SPOCK2: variants seen among roughly 807,000 people sequenced by gnomAD.
SPOCK2 encodes SPARC (osteonectin), cwcv and kazal like domains proteoglycan 2.
SPOCK2 carries 39 observed loss-of-function variants against 60.1 expected under a neutral mutation model. The ratio of observed to expected loss-of-function variants is 0.65; its 90% CI spans 0.50 to 0.85. The LOEUF (loss-of-function observed/expected upper bound fraction) is 0.85. Ranked by LOEUF, SPOCK2 falls within the 40% of genes least tolerant of loss-of-function variation. The probability of loss-of-function intolerance (pLI) is 0.00; values close to 1 mark genes in which losing one functional copy is unlikely to be tolerated. For missense variants in SPOCK2, 523 were observed against 567.4 expected (o/e 0.92, Z 0.80); for synonymous variants, 217 against 231.5 (o/e 0.94, Z 0.57).
rs141755531 is a variant in SPOCK2 at position 72,083,392 on chromosome 10, A to G, written c.189+4748T>C. On this transcript the variant is annotated intron_variant, in intron 1 of 10. Coordinates refer to ENST00000373109, the MANE Select transcript of SPOCK2 (RefSeq NM_001244950.2). ...CCCCACTAAACCACCAGGAAAATCA[A>G]GGCCCAGAAAGGTGAAGTGGCTGCT... 1.1e-4 allele frequency among the ~76,000 whole-genome samples: 17 copies of G among 152,350 alleles called. No individual in the cohort carries two copies. In the East Asian group the frequency reaches 1.5e-3, roughly 14 times the overall value.
At chr10:72,086,094 G>A in intron 1 of SPOCK2, 4 of 756,212 alleles carry the variant, frequency 5.3e-6, no homozygotes, top group Non-Finnish European at 6.4e-6. Context: ...CCCTGACCCT[G>A]TCCTCCTGCA....
chr10:72,086,451 C>T, intron 1 of SPOCK2: 1 of 1,048,500 alleles, frequency 9.5e-7, no homozygotes, highest in Non-Finnish European at 1.2e-6. Flanking sequence ...TCCCTCTGAC[C>T]TTCACTGGTC....
chr10:72,067,808 C>G, intron 6 of SPOCK2, 76 bp from the exon 7 acceptor site: 1 of 1,556,740 alleles, frequency 6.4e-7, no homozygotes, highest in Non-Finnish European at 8.7e-7. Context: ...GGGATCCTGC[C>G]CTACAGGCCA....
intron 1 of SPOCK2, chr10:72,086,743 G>A (rs1394633551): frequency 7.8e-6 from 11 of 1,418,248 alleles, no homozygotes; most frequent in Non-Finnish European, 5.6e-6. Context: ...AGACCTGGCT[G>A]CCCGTGGTTC....
At chr10:72,080,160 C>CGT (rs1840764125) in intron 1 of SPOCK2, among the ~76,000 whole-genome samples, 1 of 152,092 alleles carries the variant, frequency 6.6e-6, no homozygotes, top group South Asian at 2.1e-4. Flanking sequence ...ACATTGTCTC[C>CGT]ACTTGAGGAC....
chr10:72,077,754 T>C (rs1484826132), intron 1 of SPOCK2, among the ~76,000 whole-genome samples: 1 of 152,208 alleles, frequency 6.6e-6, no homozygotes, highest in Non-Finnish European at 1.5e-5. Context: ...CCCAGGCTCC[T>C]GCTTCCAATT....
rs1045236068 is a variant in SPOCK2 at position 72,062,923 on chromosome 10, C to A, written c.1130-18G>T. ...GATGTCATCTGTGAGGGGATCAAGC[C>A]AACAGGGGGTGAGGGAGCTTCTGGC... On this transcript the variant is annotated intron_variant, in intron 10 of 10. Coordinates refer to ENST00000373109, the MANE Select transcript of SPOCK2 (RefSeq NM_001244950.2). The surrounding 1 kb of genome is among the most constrained non-coding windows in gnomAD (Gnocchi z 4.3). The A allele has an allele frequency of 6.3e-7, 1 of 1,596,408 alleles. No homozygotes were observed. The highest frequency in any genetic ancestry group is 8.5e-7 in the Non-Finnish European group (1 of 1,174,164).
Position 72,067,618 on chromosome 10 carries a change from G to T in SPOCK2, c.704C>A (p.Ala235Asp). 6.2e-7 allele frequency: 1 copy of T among 1,612,640 alleles called. No homozygotes were observed. ...CAGAGCAGCAAGCTTCCTACCGCTGGCCGGGCCGGCTACACTGCTGGCTGA... is the reference window on the plus strand; with the variant it reads ...CAGAGCAGCAAGCTTCCTACCGCTGTCCGGGCCGGCTACACTGCTGGCTGA... ...NGSASSVAGPASGLDKSLGAS... is the reference protein window; with the variant it reads ...NGSASSVAGPDSGLDKSLGAS... The change falls in exon 7 of 11, where the codon GCC becomes GAC. Residue 235 changes from alanine to aspartate, a missense_variant. Ala to Asp is a moderately radical substitution (Grantham distance 126). Coordinates refer to ENST00000373109, the MANE Select transcript of SPOCK2 (RefSeq NM_001244950.2).
At position 72,068,225 on chromosome 10, in the gene SPOCK2, G is replaced by A. The variant is rs371673611; in HGVS notation, c.551C>T (p.Thr184Met). The part of the protein sequence containing the change: ...VRCEGPCPCP[T>M]EQAATSTADG... Reference sequence around the variant, plus strand: ...GGCGGTGGAGGTGGCAGCCTGCTCCGTGGGGCAGGGGCAGGGGCCCTCGCA... The same window carrying A: ...GGCGGTGGAGGTGGCAGCCTGCTCCATGGGGCAGGGGCAGGGGCCCTCGCA... The change falls in exon 6 of 11, where the codon ACG (threonine) becomes ATG (methionine). Residue 184 changes from threonine (T) to methionine (M), a missense_variant. Coordinates refer to ENST00000373109, the MANE Select transcript of SPOCK2 (RefSeq NM_001244950.2). 278 of 1,610,550 alleles carry A rather than the reference G, an allele frequency of 1.7e-4. No individual in the cohort carries two copies. Among genetic ancestry groups the A allele is most frequent in the Non-Finnish European group, 2.1e-4 (253 of 1,178,578 alleles).
chr10:72,086,596 T>C, intron 1 of SPOCK2: 1 of 1,171,780 alleles, frequency 8.5e-7, no homozygotes, highest in South Asian at 1.6e-5. Context: ...GGCAGGAGAC[T>C]GCGGCTCATC....
At chr10:72,083,681 C>T (rs1840818065) in intron 1 of SPOCK2, among the ~76,000 whole-genome samples, 1 of 152,208 alleles carries the variant, frequency 6.6e-6, no homozygotes, top group Non-Finnish European at 1.5e-5. Flanking sequence ...TGTTCAAGAG[C>T]CCATCACTCT....
At chr10:72,083,908 G>A (rs1840821161) in intron 1 of SPOCK2, among the ~76,000 whole-genome samples, 1 of 152,162 alleles carries the variant, frequency 6.6e-6, no homozygotes, top group Admixed American at 6.5e-5. Context: ...ACCCACAGAC[G>A]TCGGCGCAGC....
chr10:72,086,591 G>C, intron 1 of SPOCK2: 6 of 1,164,862 alleles, frequency 5.2e-6, no homozygotes, highest in Non-Finnish European at 6.4e-6. Context: ...GAAGCGGCAG[G>C]AGACTGCGGC....
rs1198254982 is a variant in SPOCK2 at position 72,063,148 on chromosome 10, T to G, written c.1006A>C (p.Ser336Arg). The part of the protein sequence containing the change: ...AKKKPGIFIP[S>R]CDEDGYYRKM... ...CGGTAGTAGCCATCCTCGTCGCAGCTCGGGATGAAGATGCCTGAATGAGAC... is the reference window on the plus strand; with the variant it reads ...CGGTAGTAGCCATCCTCGTCGCAGCGCGGGATGAAGATGCCTGAATGAGAC... The change falls in exon 10 of 11, where the codon AGC becomes CGC. Residue 336 changes from serine to arginine, a missense_variant. By Grantham distance (110) the Ser-to-Arg change is moderately radical. Coordinates refer to ENST00000373109, the MANE Select transcript of SPOCK2 (RefSeq NM_001244950.2). The G allele has an allele frequency of 1.3e-6, 2 of 1,556,778 alleles. No homozygotes were observed. Among genetic ancestry groups the G allele is most frequent in the Non-Finnish European group, 1.7e-6 (2 of 1,149,840 alleles).
Position 72,064,257 on chromosome 10 carries a change from A to G in SPOCK2, c.929-17T>C. The G allele has an allele frequency of 6.3e-7, 1 of 1,581,986 alleles. No individual in the cohort carries two copies. The highest frequency in any genetic ancestry group is 8.6e-7 in the Non-Finnish European group (1 of 1,168,224). On this transcript the variant is annotated splice_polypyrimidine_tract_variant and intron_variant, in intron 8 of 10. Coordinates refer to ENST00000373109, the MANE Select transcript of SPOCK2 (RefSeq NM_001244950.2). ...AGGGGGGCTCTGTGGGGAGAGAAGC[A>G]GCCTCTGATGGGACTGTCCCCTGGT...
chr10:72,063,086 C>T lies in SPOCK2; in HGVS notation c.1068G>A (p.Trp356Ter). Reference protein sequence around the residue: ...MQCDQSSGDCWCVDQLGLELT... With the variant: ...MQCDQSSGDC Reference sequence around the variant, plus strand: ...GCTCCAGGCCCAGCTGGTCCACACACCAGCAGTCACCGCTGCTCTGGTCAC... The same window carrying T: ...GCTCCAGGCCCAGCTGGTCCACACATCAGCAGTCACCGCTGCTCTGGTCAC... The change falls in exon 10 of 11, where the codon TGG (tryptophan) becomes TGA (stop). Residue 356 changes from tryptophan to a stop codon, truncating the protein, a stop_gained. Coordinates refer to ENST00000373109, the MANE Select transcript of SPOCK2 (RefSeq NM_001244950.2). LOFTEE classifies it high-confidence loss of function. 1 of 1,554,986 alleles carries T rather than the reference C, an allele frequency of 6.4e-7. No individual in the cohort carries two copies. The highest frequency in any genetic ancestry group is 8.7e-7 in the Non-Finnish European group (1 of 1,148,834).
intron 1 of SPOCK2, among the ~76,000 whole-genome samples, chr10:72,076,437 C>T (rs1032626841): frequency 1.3e-5 from 2 of 152,208 alleles, no homozygotes; most frequent in East Asian, 1.9e-4. Context: ...GAAACAGAGG[C>T]CCCGTTCTAC....
At chr10:72,070,537 GCAGATCAGCCCCTTC>G in intron 4 of SPOCK2, 111 bp from the exon 5 acceptor site, 2 of 1,012,270 alleles carry the variant, frequency 2.0e-6, no homozygotes, top group Non-Finnish European at 3.0e-6. Context: ...GCAATCTTCA[GCAGATCAGCCCCTTC>G]CTGCCCCTGC....
chr10:72,064,616 C>T (rs1054379744), intron 8 of SPOCK2, among the ~76,000 whole-genome samples: 4 of 152,252 alleles, frequency 2.6e-5, no homozygotes, highest in Non-Finnish European at 5.9e-5. Flanking sequence ...CCTGAAAATA[C>T]AGCCACGCGC....
Sources: allele counts gnomAD v4.1 joint callset (sites outside exome capture counted in the v4.1 genomes callset), GRCh38; gene constraint gnomAD v4.1.1; non-coding constraint Gnocchi (gnomAD v3.1); transcripts MANE v1.5; gene names NCBI Gene and HGNC (gene_info 2026-07-23, HGNC 2026-07-21).